The following AOAH variants were observed in gnomAD, a reference collection of about 807,000 sequenced individuals.
The protein encoded by AOAH is acyloxyacyl hydrolase (neutrophil).
In AOAH, 64 loss-of-function variants were observed where a neutral mutation model predicts 92.2. That is an observed-to-expected ratio of 0.69 (90% CI 0.57 to 0.86). The LOEUF is 0.86. AOAH is among the 40% of genes least tolerant of loss of function. The pLI is 0.00. For synonymous variants in AOAH, 263 were observed against 254.5 expected (o/e 1.03, Z -0.32); for missense variants, 656 against 694.6 (o/e 0.94, Z 0.62).
At chr7:36,659,479 C>T (rs1053970524) in intron 3 of AOAH, among the ~76,000 whole-genome samples, 1 of 152,150 alleles carries the variant, frequency 6.6e-6, no homozygotes, top group Admixed American at 6.5e-5. Flanking sequence ...GTCCTAAAGG[C>T]GAGGATGGGG....
chr7:36,665,932 T>C (rs186201516), intron 3 of AOAH, among the ~76,000 whole-genome samples: 1 of 152,260 alleles, frequency 6.6e-6, no homozygotes, highest in Admixed American at 6.5e-5. Context: ...TTTTTAAACA[T>C]TTTTTATTTG....
rs60180758 is a variant in AOAH, at chr7:36,516,469, CCA to C, written c.1600-3091_1600-3090del. 0.16 allele frequency among the ~76,000 whole-genome samples: 14,152 copies of C among 88,290 alleles called. 3,636 individuals are homozygous for C. Among genetic ancestry groups the C allele is most frequent in the Middle Eastern group, 0.26 (45 of 176 alleles). The allele number at this position is 88,290 out of a possible 152,430, so 57.9% of individuals were successfully genotyped here. A position where few individuals can be genotyped will look rare whatever the true frequency, so the allele number is the denominator to read the frequency against. The stretch of plus-strand genomic sequence containing the variant: ...CACACACACAGAAAGTGCACGGATA[CCA>C]CACACACACACACACAGAAAGCGCA... On this transcript the variant is annotated intron_variant, in intron 20 of 20. Coordinates refer to ENST00000617537, the MANE Select transcript of AOAH (RefSeq NM_001637.4). The surrounding 1 kb of genome is among the most constrained non-coding windows in gnomAD (Gnocchi z 5.0).
At chr7:36,582,476 A>T (rs185339745) in intron 12 of AOAH, among the ~76,000 whole-genome samples, 1 of 152,260 alleles carries the variant, frequency 6.6e-6, no homozygotes, top group East Asian at 1.9e-4. Flanking sequence ...GATTTCTAGC[A>T]CCGTAATTCA....
At chr7:36,600,690 T>G (rs1256090547) in intron 11 of AOAH, among the ~76,000 whole-genome samples, 1 of 152,146 alleles carries the variant, frequency 6.6e-6, no homozygotes, top group Non-Finnish European at 1.5e-5. Context: ...CATAGCCCAC[T>G]TGTATCTGGT....
At chr7:36,553,501 C>G (rs1409303314) in intron 13 of AOAH, among the ~76,000 whole-genome samples, 1 of 151,704 alleles carries the variant, frequency 6.6e-6, no homozygotes, top group African/African-American at 2.4e-5. Context: ...GATGTATACC[C>G]AGTAATGGGA....
chr7:36,657,666 C>T (rs560205218), intron 4 of AOAH, among the ~76,000 whole-genome samples: 3 of 152,330 alleles, frequency 2.0e-5, no homozygotes, highest in African/African-American at 7.2e-5. Context: ...TGCCCAGCAG[C>T]ACTGAATGCT....
intron 6 of AOAH, among the ~76,000 whole-genome samples, chr7:36,626,642 C>T (rs1442708956): frequency 6.6e-6 from 1 of 152,140 alleles, no homozygotes; most frequent in Non-Finnish European, 1.5e-5. Context: ...ATATATTTCA[C>T]TCTGAAATAT....
At chr7:36,605,722 A>G (rs1026917116) in intron 11 of AOAH, among the ~76,000 whole-genome samples, 4 of 152,206 alleles carry the variant, frequency 2.6e-5, no homozygotes, top group Admixed American at 2.6e-4. Flanking sequence ...TGCACCCTAC[A>G]TGGCTGGCAG....
chr7:36,535,180 CTGTGTGCCTG>C (rs1784975783), intron 16 of AOAH, among the ~76,000 whole-genome samples: 1 of 151,346 alleles, frequency 6.6e-6, no homozygotes, highest in Non-Finnish European at 1.5e-5. Flanking sequence ...TTGTGTGTGT[CTGTGTGCCTG>C]TGTGTGTTGT....
At chr7:36,675,864 T>C (rs1470105909) in intron 2 of AOAH, among the ~76,000 whole-genome samples, 1 of 152,102 alleles carries the variant, frequency 6.6e-6, no homozygotes, top group Admixed American at 6.5e-5. Context: ...ATTACTCCCA[T>C]ATCAACAACA....
intron 5 of AOAH, among the ~76,000 whole-genome samples, chr7:36,633,332 C>T (rs1411469888): frequency 1.3e-5 from 2 of 152,188 alleles, no homozygotes; most frequent in African/African-American, 4.8e-5. Context: ...GCTTGACAAC[C>T]ACTGCTCTAG....
chr7:36,655,152 A>C (rs1045670505), intron 4 of AOAH, among the ~76,000 whole-genome samples: 1 of 152,224 alleles, frequency 6.6e-6, no homozygotes, highest in Non-Finnish European at 1.5e-5. Context: ...GAAATCTACG[A>C]AACTAGAAAC....
intron 4 of AOAH, among the ~76,000 whole-genome samples, chr7:36,655,955 C>T (rs1347694508): frequency 6.6e-6 from 1 of 152,062 alleles, no homozygotes; most frequent in Non-Finnish European, 1.5e-5. Flanking sequence ...GGCCCGCCTC[C>T]CTGAAGAAGT....
intron 1 of AOAH, among the ~76,000 whole-genome samples, chr7:36,714,522 C>A (rs1306009923): frequency 2.0e-5 from 3 of 151,912 alleles, no homozygotes; most frequent in Non-Finnish European, 4.4e-5. Flanking sequence ...GAGACACAAC[C>A]AAAAAAGAGA....
intron 12 of AOAH, 36 bp downstream of exon 12, chr7:36,594,303 G>A (rs1424724342): frequency 1.3e-5 from 20 of 1,487,104 alleles, no homozygotes; most frequent in Non-Finnish European, 1.8e-5. Flanking sequence ...TTACACAGAG[G>A]TATTGAAATG....
chr7:36,515,512 CAA>C, intron 20 of AOAH, among the ~76,000 whole-genome samples: 1 of 4,544 alleles, frequency 2.2e-4, no homozygotes, highest in Non-Finnish European at 2.0e-3. Context: ...AACACACCCC[CAA>C]ACACCACACA....
chr7:36,576,804 G>T, intron 12 of AOAH, 148 bp from the exon 13 acceptor site: 1 of 491,336 alleles, frequency 2.0e-6, no homozygotes, highest in Non-Finnish European at 3.6e-6. Context: ...TCTCTGAACT[G>T]TGAATGTAAT....
At chr7:36,606,219 C>T (rs1790988241) in intron 11 of AOAH, among the ~76,000 whole-genome samples, 4 of 152,154 alleles carry the variant, frequency 2.6e-5, no homozygotes, top group African/African-American at 4.8e-5. Context: ...GGAAGCAGGG[C>T]GGGTGAGTGA....
At chr7:36,678,431 C>A (rs907661918) in intron 2 of AOAH, among the ~76,000 whole-genome samples, 8 of 152,280 alleles carry the variant, frequency 5.3e-5, no homozygotes, top group Admixed American at 5.2e-4. Flanking sequence ...ACTGCTAATG[C>A]AGAACTGGCT....
Sources: gnomAD v4.1 joint callset for allele counts (sites outside exome capture counted in the v4.1 genomes callset) on GRCh38, gnomAD v4.1.1 for gene constraint, Gnocchi (gnomAD v3.1) non-coding constraint, MANE v1.5 for transcripts, NCBI Gene and HGNC (gene_info 2026-07-23, HGNC 2026-07-21) for gene names.